ADGRL3: variants seen among roughly 807,000 people sequenced by gnomAD.
The protein encoded by ADGRL3 is calcium-independent alpha-latrotoxin receptor 3.
ADGRL3 carries 62 observed loss-of-function variants against 153.5 expected under a neutral mutation model. That is an observed-to-expected ratio of 0.40 (90% confidence interval 0.33 to 0.50). The LOEUF is 0.50. ADGRL3 is among the 20% of genes least tolerant of loss of function. ADGRL3 has a pLI of 0.47. For missense variants in ADGRL3, 1,641 were observed against 1,859.4 expected (o/e 0.88, Z 2.16); for synonymous variants, 710 against 672.5 (o/e 1.06, Z -0.86).
intron 8 of ADGRL3, among the ~76,000 whole-genome samples, chr4:61,740,071 A>G (rs2096565074): frequency 6.6e-6 from 1 of 152,232 alleles, no homozygotes; most frequent in African/African-American, 2.4e-5. Flanking sequence ...TACCAAAATG[A>G]TTTTAAGCAT....
chr4:61,930,089 T>A (rs1045392407), intron 13 of ADGRL3, among the ~76,000 whole-genome samples: 1 of 149,084 alleles, frequency 6.7e-6, no homozygotes, highest in Non-Finnish European at 1.5e-5. Context: ...GGCAGGAGAA[T>A]GGCATGAACC....
chr4:61,618,044 C>T (rs2092197989), intron 5 of ADGRL3, among the ~76,000 whole-genome samples: 1 of 152,124 alleles, frequency 6.6e-6, no homozygotes, highest in South Asian at 2.1e-4. Flanking sequence ...GATAAAGTCA[C>T]ATCAATAGAT....
At chr4:61,616,787 G>A (rs1477108269) in intron 5 of ADGRL3, among the ~76,000 whole-genome samples, 1 of 151,732 alleles carries the variant, frequency 6.6e-6, no homozygotes, top group Non-Finnish European at 1.5e-5. Flanking sequence ...CTCTTACTTT[G>A]GTATCCAAAA....
At chr4:61,774,357 CAAAAAAAAAAA>C (rs372436258) in intron 8 of ADGRL3, among the ~76,000 whole-genome samples, 2 of 60,194 alleles carry the variant, frequency 3.3e-5, no homozygotes, top group African/African-American at 8.8e-5. Context: ...AACTCTGTCT[CAAAAAAAAAAA>C]AAAGAAAGAA....
intron 9 of ADGRL3, among the ~76,000 whole-genome samples, chr4:61,844,945 A>G (rs568289672): frequency 1.3e-5 from 2 of 152,236 alleles, no homozygotes; most frequent in African/African-American, 4.8e-5. Flanking sequence ...TAGTTCCTAC[A>G]TGACTAGTGG....
intron 1 of ADGRL3, among the ~76,000 whole-genome samples, chr4:61,349,007 T>A (rs2095986183): frequency 6.6e-6 from 1 of 151,970 alleles, no homozygotes; most frequent in African/African-American, 2.4e-5. Flanking sequence ...AATATAGCAG[T>A]CAAGGGGATG....
chr4:61,950,619 A>G (rs978945212), intron 17 of ADGRL3, among the ~76,000 whole-genome samples: 1 of 152,242 alleles, frequency 6.6e-6, no homozygotes, highest in Non-Finnish European at 1.5e-5. Flanking sequence ...TTCAGGGTAT[A>G]CACACAGACT....
intron 2 of ADGRL3, among the ~76,000 whole-genome samples, chr4:61,430,129 G>A (rs898881228): frequency 6.6e-6 from 1 of 151,978 alleles, no homozygotes; most frequent in African/African-American, 2.4e-5. Flanking sequence ...CCTGTGCTTT[G>A]GAAACAAACA....
intron 5 of ADGRL3, among the ~76,000 whole-genome samples, chr4:61,642,882 A>G (rs1049310861): frequency 2.6e-5 from 4 of 152,126 alleles, no homozygotes; most frequent in South Asian, 2.1e-4. Context: ...CTTAGGCAGT[A>G]TGGCCATTTT....
intron 9 of ADGRL3, among the ~76,000 whole-genome samples, chr4:61,878,010 C>T (rs532642252): frequency 6.6e-6 from 1 of 152,260 alleles, no homozygotes; most frequent in Non-Finnish European, 1.5e-5. Flanking sequence ...CCTTCACCTT[C>T]CGCCATGATT....
chr4:62,029,712 T>C (rs1224326867), intron 22 of ADGRL3, among the ~76,000 whole-genome samples: 2 of 151,076 alleles, frequency 1.3e-5, no homozygotes, highest in Non-Finnish European at 3.0e-5. Flanking sequence ...TTGTTTTTTT[T>C]TTTTTTTTAG....
chr4:62,059,181 C>A (rs992779644), intron 25 of ADGRL3, among the ~76,000 whole-genome samples: 1 of 151,966 alleles, frequency 6.6e-6, no homozygotes, highest in Non-Finnish European at 1.5e-5. Flanking sequence ...CACTCCAAGT[C>A]CTGAATAGTC....
At chr4:61,885,063 G>A (rs2098530171) in intron 9 of ADGRL3, among the ~76,000 whole-genome samples, 1 of 151,882 alleles carries the variant, frequency 6.6e-6, no homozygotes, top group Non-Finnish European at 1.5e-5. Flanking sequence ...GATCACTTGA[G>A]GTCAGGAGTT....
intron 1 of ADGRL3, among the ~76,000 whole-genome samples, chr4:61,269,207 T>A (rs1311812824): frequency 6.6e-6 from 1 of 151,686 alleles, no homozygotes; most frequent in Non-Finnish European, 1.5e-5. Context: ...AATTAGAACA[T>A]CAAGGTAGAA....
chr4:61,456,195 A>G (rs1470118390), intron 2 of ADGRL3, among the ~76,000 whole-genome samples: 1 of 151,550 alleles, frequency 6.6e-6, no homozygotes, highest in African/African-American at 2.4e-5. Flanking sequence ...GATGTAAAGC[A>G]TCTTTGATCA....
rs58884223 is a variant in ADGRL3 at position 61,909,761 on chromosome 4, ATG to A, written c.2073+56_2073+57del. On this transcript the variant is annotated intron_variant, in intron 12 of 26. Transcript: ENST00000683033. ...TTTGAACAAGGTAAGGACCCTAATT[ATG>A]TGTGTGTGTGTGTGTGTGTGTGTGT... 0.52 allele frequency: 622,192 copies of A among 1,189,154 alleles called. 141,643 individuals are homozygous for A. Among genetic ancestry groups the A allele is most frequent in the Non-Finnish European group, 0.55 (478,365 of 863,416 alleles). 73.7% of individuals were successfully genotyped at this position (1,189,154 alleles called of 1,614,324 possible).
chr4:62,063,627 G>A (rs1197912661), intron 25 of ADGRL3: 7 of 694,140 alleles, frequency 1.0e-5, no homozygotes, highest in Admixed American at 4.1e-5. Flanking sequence ...CATGTACAAC[G>A]CACAAGGTGT....
rs564831264 is a variant in ADGRL3, at chr4:61,278,907, C to G, written c.-240+77142C>G. ...GATAGGAGCAAGTACAATATCAAAG[C>G]TTAATTTTTACTGTAGATTTTGTAT... On this transcript the variant is annotated intron_variant, in intron 1 of 26. Transcript: ENST00000683033. Among the ~76,000 whole-genome samples the G allele has an allele frequency of 2.0e-5, 3 of 152,286 alleles. No individual in the cohort carries two copies. In the East Asian group the frequency reaches 5.8e-4, roughly 29 times the overall value.
rs546220043 is a variant in ADGRL3, at chr4:61,824,024, T to C, written c.1480+10135T>C. Among the ~76,000 whole-genome samples the C allele has an allele frequency of 2.6e-5, 4 of 151,968 alleles. No individual in the cohort carries two copies. The South Asian group carries it at 6.2e-4, about 24-fold the overall frequency. On this transcript the variant is annotated intron_variant, in intron 9 of 26. Transcript: ENST00000683033. ...TTGCAGTGAGCCCAGATCGTACCAC[T>C]GCACTCCAGTCTGGGCGACAGAGCG... is the stretch of plus-strand genomic sequence containing the variant.
Sources: allele counts gnomAD v4.1 joint callset (sites outside exome capture counted in the v4.1 genomes callset), GRCh38; gene constraint gnomAD v4.1.1; transcripts MANE v1.5; gene names NCBI Gene and HGNC (gene_info 2026-07-23, HGNC 2026-07-21).